The following ABLIM2 variants were observed in gnomAD, a reference collection of about 807,000 sequenced individuals.
ABLIM2 encodes the protein actin-binding LIM protein 2.
A neutral mutation model predicts 97.7 loss-of-function variants in ABLIM2; 53 were observed. That is an observed-to-expected ratio of 0.54 (90% CI 0.44 to 0.68). The LOEUF is 0.68. ABLIM2 is among the 30% of genes least tolerant of loss of function. The pLI is 0.00. For synonymous variants in ABLIM2, 361 were observed against 345.8 expected (o/e 1.04, Z -0.49); for missense variants, 835 against 867.2 (o/e 0.96, Z 0.47).
rs1393154487 is a variant in ABLIM2, at chr4:8,125,037, T to C, written c.11-18400A>G. ...GGAGTCTTCTTTGTAAAAATGTCGA[T>C]GCAGATGCTTTGCCCATTTTTCAGC... On this transcript the variant is annotated intron_variant, in intron 1 of 20. Transcript: ENST00000447017. The surrounding 1 kb of genome is among the most constrained non-coding windows in gnomAD (Gnocchi z 6.2). 6.6e-6 allele frequency among the ~76,000 whole-genome samples: 1 copy of C among 152,336 alleles called. No homozygotes were observed. The highest frequency in any genetic ancestry group is 2.4e-5 in the African/African-American group (1 of 41,574).
intron 3 of ABLIM2, among the ~76,000 whole-genome samples, chr4:8,094,522 G>A (rs912979560): frequency 6.6e-6 from 1 of 152,208 alleles, no homozygotes; most frequent in African/African-American, 2.4e-5. Context: ...GGGGCTGCAT[G>A]CACCGGTAAT....
rs747271293 is a variant in ABLIM2 at position 8,127,652 on chromosome 4, G to C, written c.11-21015C>G. 9 of 1,284,796 alleles carry C rather than the reference G, an allele frequency of 7.0e-6. No individual in the cohort carries two copies. The highest frequency in any genetic ancestry group is 7.1e-6 in the Non-Finnish European group (7 of 985,190). 79.6% of individuals were successfully genotyped at this position (1,284,796 alleles called of 1,614,324 possible). A position where few individuals can be genotyped will look rare whatever the true frequency, so the allele number is the denominator to read the frequency against. The stretch of plus-strand genomic sequence containing the variant: ...TGGGCCTGGCACCCACGGAGGATCG[G>C]GCAGGAGTGGACCGGGGAAGAGCCT... On this transcript the variant is annotated intron_variant, in intron 1 of 20. Transcript: ENST00000447017. The surrounding 1 kb of genome is among the most constrained non-coding windows in gnomAD (Gnocchi z 7.3).
At chr4:8,006,961 G>A (rs538293264) in intron 16 of ABLIM2, 25 of 932,654 alleles carry the variant, frequency 2.7e-5, no homozygotes, top group Middle Eastern at 5.5e-4. Flanking sequence ...CACCCCAGGC[G>A]GGGGCAGAGG....
chr4:7,973,386 A>C (rs1440262003), intron 20 of ABLIM2, among the ~76,000 whole-genome samples: 1 of 151,900 alleles, frequency 6.6e-6, no homozygotes, highest in Non-Finnish European at 1.5e-5. Context: ...CTGTAGTCCC[A>C]GCTACCCGGG....
intron 8 of ABLIM2, among the ~76,000 whole-genome samples, chr4:8,053,910 A>G (rs936718000): frequency 2.6e-5 from 4 of 152,150 alleles, no homozygotes; most frequent in African/African-American, 9.7e-5. Context: ...CCCCACCTCC[A>G]GAACCATGAG....
In ABLIM2 at chr4:8,125,034, C is replaced by T. The variant is rs1407292861; in HGVS notation, c.11-18397G>A. ...CTGGGAGTCTTCTTTGTAAAAATGT[C>T]GATGCAGATGCTTTGCCCATTTTTC... On this transcript the variant is annotated intron_variant, in intron 1 of 20. Coordinates refer to ENST00000447017, the MANE Select transcript of ABLIM2 (RefSeq NM_001130083.2). This position sits in a 1 kb window ranked among gnomAD's most constrained non-coding sequence, Gnocchi z 6.2. Among the ~76,000 whole-genome samples, 2 of 152,094 alleles carry T rather than the reference C, an allele frequency of 1.3e-5. No individual in the cohort carries two copies. The highest frequency in any genetic ancestry group is 1.9e-4 in the East Asian group (1 of 5,192).
intron 20 of ABLIM2, among the ~76,000 whole-genome samples, chr4:7,971,759 A>T (rs1315297757): frequency 6.6e-6 from 1 of 152,040 alleles, no homozygotes; most frequent in Non-Finnish European, 1.5e-5. Context: ...GGGTACTCCC[A>T]GCTTCCCTGA....
intron 1 of ABLIM2, among the ~76,000 whole-genome samples, chr4:8,154,653 G>A (rs1714655835): frequency 6.6e-6 from 1 of 152,136 alleles, no homozygotes; most frequent in Non-Finnish European, 1.5e-5. Context: ...TTCTTCATGT[G>A]GGTAGTAACT....
rs1460424341 is a variant in ABLIM2 at position 8,148,876 on chromosome 4, C to T, written c.10+9804G>A. The stretch of plus-strand genomic sequence containing the variant: ...ATCTCCTCCCAGAGCTGCTGATGTA[C>T]CAAGAAACCTGGGCTCCGCAGGCAC... On this transcript the variant is annotated intron_variant, in intron 1 of 20. Coordinates refer to ENST00000447017, the MANE Select transcript of ABLIM2 (RefSeq NM_001130083.2). The surrounding 1 kb of genome is among the most constrained non-coding windows in gnomAD (Gnocchi z 6.7). Among the ~76,000 whole-genome samples the T allele has an allele frequency of 1.3e-5, 2 of 152,206 alleles. No homozygotes were observed. The highest frequency in any genetic ancestry group is 2.9e-5 in the Non-Finnish European group (2 of 68,022).
chr4:8,086,961 G>A (rs1315813049), intron 4 of ABLIM2, among the ~76,000 whole-genome samples: 2 of 152,092 alleles, frequency 1.3e-5, no homozygotes, highest in African/African-American at 4.8e-5. Flanking sequence ...AGGGATGAAG[G>A]CTTTGCTTTG....
Position 8,021,507 on chromosome 4 carries a change from A to G in ABLIM2, c.1268-1204T>C, listed in dbSNP as rs1398665702. Among the ~76,000 whole-genome samples the G allele has an allele frequency of 6.6e-6, 1 of 152,242 alleles. No individual in the cohort carries two copies. On this transcript the variant is annotated intron_variant, in intron 12 of 20. Coordinates refer to ENST00000447017, the MANE Select transcript of ABLIM2 (RefSeq NM_001130083.2). This position sits in a 1 kb window ranked among gnomAD's most constrained non-coding sequence, Gnocchi z 5.5. ...GGGGTAAGGCGCTCTTCACCTGAGA[A>G]CGTTCCCTCAAGCTGCACAGCCTTT... is the stretch of plus-strand genomic sequence containing the variant.
In ABLIM2 at chr4:8,044,022, T is replaced by C. The variant is rs1790504184; in HGVS notation, c.900+1142A>G. Among the ~76,000 whole-genome samples, 1 of 152,168 alleles carries C rather than the reference T, an allele frequency of 6.6e-6. No individual in the cohort carries two copies. The highest frequency in any genetic ancestry group is 6.5e-5 in the Admixed American group (1 of 15,286). On this transcript the variant is annotated intron_variant, in intron 9 of 20. Transcript: ENST00000447017. The surrounding 1 kb of genome is among the most constrained non-coding windows in gnomAD (Gnocchi z 4.4). ...CACTCTCCAGGCCAGCAGTGCGTCATGGTAACTGAGGACTCGTGCACCCCT... is the reference window on the plus strand; with the variant it reads ...CACTCTCCAGGCCAGCAGTGCGTCACGGTAACTGAGGACTCGTGCACCCCT...
At position 8,058,412 on chromosome 4, in the gene ABLIM2, G is replaced by A. The variant is rs1250660987; in HGVS notation, c.763+2555C>T. Reference sequence around the variant, plus strand: ...CACGGCCCTGTGACAATGGCCGCATGAGGTCATTCAACAGCCCGCAGGCAC... The same window carrying A: ...CACGGCCCTGTGACAATGGCCGCATAAGGTCATTCAACAGCCCGCAGGCAC... On this transcript the variant is annotated intron_variant, in intron 7 of 20. Coordinates refer to ENST00000447017, the MANE Select transcript of ABLIM2 (RefSeq NM_001130083.2). The surrounding 1 kb of genome is among the most constrained non-coding windows in gnomAD (Gnocchi z 4.2). Among the ~76,000 whole-genome samples, 1 of 152,228 alleles carries A rather than the reference G, an allele frequency of 6.6e-6. No individual in the cohort carries two copies. Among genetic ancestry groups the A allele is most frequent in the Non-Finnish European group, 1.5e-5 (1 of 68,046 alleles).
rs57322188 is a variant in ABLIM2 at position 8,024,844 on chromosome 4, G to A, written c.1267+2915C>T. Among the ~76,000 whole-genome samples, 1,027 of 152,318 alleles carry A rather than the reference G, an allele frequency of 6.7e-3. 8 individuals carry two copies. Among genetic ancestry groups the A allele is most frequent in the African/African-American group, 0.023 (945 of 41,568 alleles). On this transcript the variant is annotated intron_variant, in intron 12 of 20. Transcript: ENST00000447017. ...GTTCCCAAGGTTACGGACAGCCAGG[G>A]GAGTCTAGTAGGGGCAGAGCATGGG...
At chr4:8,135,702 T>G (rs10020136) in intron 1 of ABLIM2, among the ~76,000 whole-genome samples, 2 of 152,158 alleles carry the variant, frequency 1.3e-5, no homozygotes. Context: ...GTGGCCCCAG[T>G]GGATGAAGAC....
At position 8,113,222 on chromosome 4, in the gene ABLIM2, GT is replaced by G. The variant is rs1359364925; in HGVS notation, c.11-6586del. On this transcript the variant is annotated intron_variant, in intron 1 of 20. Coordinates refer to ENST00000447017, the MANE Select transcript of ABLIM2 (RefSeq NM_001130083.2). This position sits in a 1 kb window ranked among gnomAD's most constrained non-coding sequence, Gnocchi z 4.5. ...CCATCCTCCCACCTCAGCCTCCCGA[GT>G]AGCTGGGACCACAAGTGTGTGCCAC... Among the ~76,000 whole-genome samples the G allele has an allele frequency of 2.0e-5, 3 of 152,118 alleles. No individual in the cohort carries two copies. Among genetic ancestry groups the G allele is most frequent in the Non-Finnish European group, 4.4e-5 (3 of 68,028 alleles).
chr4:8,000,692 C>T (rs914397147), intron 16 of ABLIM2, among the ~76,000 whole-genome samples: 60 of 152,142 alleles, frequency 3.9e-4, no homozygotes, highest in African/African-American at 1.4e-3. Context: ...AAGGCTGCTG[C>T]TCAGGGAGCT....
intron 1 of ABLIM2, among the ~76,000 whole-genome samples, chr4:8,143,861 G>A (rs957089023): frequency 6.6e-6 from 1 of 152,188 alleles, no homozygotes; most frequent in Non-Finnish European, 1.5e-5. Flanking sequence ...TCAGCCCTGG[G>A]GTGGGGCCAG....
At position 8,149,436 on chromosome 4, in the gene ABLIM2, AGAGCAGGCAG is replaced by A. The variant is rs769008932; in HGVS notation, c.10+9234_10+9243del. Among the ~76,000 whole-genome samples the A allele has an allele frequency of 3.3e-5, 5 of 152,080 alleles. No individual in the cohort carries two copies. Among genetic ancestry groups the A allele is most frequent in the Admixed American group, 6.5e-5 (1 of 15,274 alleles). Reference sequence around the variant, plus strand: ...AGGGCAGGTCCCAGCTCCAGGCTGCAGAGCAGGCAGGAGCAGGCACAAATCTCCACAGGAA... The same window carrying A: ...AGGGCAGGTCCCAGCTCCAGGCTGCAGAGCAGGCACAAATCTCCACAGGAA... On this transcript the variant is annotated intron_variant, in intron 1 of 20. Transcript: ENST00000447017. The surrounding 1 kb of genome is among the most constrained non-coding windows in gnomAD (Gnocchi z 6.4).
Sources: gnomAD v4.1 joint callset for allele counts (sites outside exome capture counted in the v4.1 genomes callset) on GRCh38, gnomAD v4.1.1 for gene constraint, Gnocchi (gnomAD v3.1) non-coding constraint, MANE v1.5 for transcripts, NCBI Gene and HGNC (gene_info 2026-07-23, HGNC 2026-07-21) for gene names.